STAC: variants seen among roughly 807,000 people sequenced by gnomAD.
The protein encoded by STAC is SH3 and cysteine rich domain.
A neutral mutation model predicts 48.8 loss-of-function variants in STAC; 43 were observed. The observed-to-expected ratio is 0.88, with a 90% confidence interval of 0.69 to 1.14. The LOEUF (loss-of-function observed/expected upper bound fraction) is 1.14. Among genes scored for constraint, STAC ranks in the 50% most tolerant of loss-of-function variants. STAC has a pLI of 0.00. For missense variants in STAC, 497 were observed against 504.0 expected (o/e 0.99, Z 0.13); for synonymous variants, 193 against 179.5 (o/e 1.07, Z -0.60).
chr3:36,439,002 G>A (rs568183902), intron 1 of STAC, among the ~76,000 whole-genome samples: 5 of 152,268 alleles, frequency 3.3e-5, no homozygotes, highest in African/African-American at 1.2e-4. Flanking sequence ...TTGCTTTCCT[G>A]CTCCACATCC....
At chr3:36,473,982 G>C (rs1398022219) in intron 2 of STAC, among the ~76,000 whole-genome samples, 5 of 152,156 alleles carry the variant, frequency 3.3e-5, no homozygotes, top group Non-Finnish European at 7.3e-5. Flanking sequence ...TACTGCATCT[G>C]CACCTTTAAC....
chr3:36,453,344 G>A (rs1034642593), intron 2 of STAC, among the ~76,000 whole-genome samples: 12 of 152,204 alleles, frequency 7.9e-5, no homozygotes, highest in African/African-American at 2.7e-4. Context: ...GAGGTGTGGA[G>A]GGAGAGGCGT....
At chr3:36,381,996 G>A (rs1179279799) in intron 1 of STAC, among the ~76,000 whole-genome samples, 1 of 152,202 alleles carries the variant, frequency 6.6e-6, no homozygotes, top group Non-Finnish European at 1.5e-5. Context: ...AGGAGTACAT[G>A]AGAGGCCCTA....
chr3:36,406,740 T>G (rs1700094759), intron 1 of STAC, among the ~76,000 whole-genome samples: 1 of 152,232 alleles, frequency 6.6e-6, no homozygotes, highest in African/African-American at 2.4e-5. Context: ...TTATGGTTAT[T>G]TTCATATTAT....
intron 1 of STAC, among the ~76,000 whole-genome samples, chr3:36,385,825 G>A (rs753124219): frequency 2.6e-5 from 4 of 152,028 alleles, no homozygotes; most frequent in Non-Finnish European, 4.4e-5. Context: ...GGTAGCAATA[G>A]TTTTCATTTT....
intron 1 of STAC, among the ~76,000 whole-genome samples, chr3:36,391,709 G>C (rs1228542139): frequency 6.6e-6 from 1 of 152,210 alleles, no homozygotes; most frequent in Non-Finnish European, 1.5e-5. Context: ...GGGCTAAGCA[G>C]GGAAGAAGCT....
chr3:36,394,514 G>A (rs1226330304), intron 1 of STAC, among the ~76,000 whole-genome samples: 2 of 152,168 alleles, frequency 1.3e-5, no homozygotes, highest in African/African-American at 4.8e-5. Context: ...TGGGACTACA[G>A]CATAGCAAGA....
chr3:36,455,644 T>C (rs1026216310), intron 2 of STAC, among the ~76,000 whole-genome samples: 6 of 152,228 alleles, frequency 3.9e-5, no homozygotes, highest in African/African-American at 1.4e-4. Flanking sequence ...TACTTTAGAA[T>C]GGTCCTCTTT....
At chr3:36,387,103 C>G (rs1699634032) in intron 1 of STAC, among the ~76,000 whole-genome samples, 1 of 152,002 alleles carries the variant, frequency 6.6e-6, no homozygotes, top group South Asian at 2.1e-4. Flanking sequence ...ATTCAAGCCT[C>G]AAATCTATGT....
intron 10 of STAC, among the ~76,000 whole-genome samples, chr3:36,536,871 AT>A (rs1699210547): frequency 6.6e-6 from 1 of 151,960 alleles, no homozygotes; most frequent in Non-Finnish European, 1.5e-5. Context: ...AAAAACCCCA[AT>A]AAAAAGTGGG....
chr3:36,482,771 G>A (rs1219255310), intron 2 of STAC, among the ~76,000 whole-genome samples: 1 of 152,226 alleles, frequency 6.6e-6, no homozygotes, highest in Non-Finnish European at 1.5e-5. Context: ...TCCTGGAGTA[G>A]TGAATAGGAA....
intron 8 of STAC, among the ~76,000 whole-genome samples, chr3:36,526,948 C>T (rs1054979381): frequency 6.6e-6 from 1 of 152,128 alleles, no homozygotes. Flanking sequence ...GAGGAGGAGG[C>T]GGCACCATAC....
At chr3:36,479,768 C>A (rs1031471689) in intron 2 of STAC, among the ~76,000 whole-genome samples, 3 of 152,220 alleles carry the variant, frequency 2.0e-5, no homozygotes, top group African/African-American at 7.2e-5. Flanking sequence ...CTACTCTACT[C>A]AGGCATAAGG....
chr3:36,422,509 C>A lies in STAC; in HGVS notation c.112-20855C>A, dbSNP rs370286947. Among the ~76,000 whole-genome samples, 7 of 151,974 alleles carry A rather than the reference C, an allele frequency of 4.6e-5. No homozygotes were observed. In the East Asian group the frequency reaches 1.2e-3, roughly 25 times the overall value. On this transcript the variant is annotated intron_variant, in intron 1 of 10. Transcript: ENST00000273183. ...CTCATCCACTAAACATATTCAATGA[C>A]TAATGTCAAAGATGAATGACAAACA...
intron 1 of STAC, among the ~76,000 whole-genome samples, chr3:36,430,863 G>C (rs1422018293): frequency 6.6e-6 from 1 of 152,132 alleles, no homozygotes; most frequent in Non-Finnish European, 1.5e-5. Flanking sequence ...AAGGACACCA[G>C]TCAGATCGGA....
intron 1 of STAC, among the ~76,000 whole-genome samples, chr3:36,397,354 T>C (rs975133790): frequency 1.3e-5 from 2 of 152,206 alleles, no homozygotes; most frequent in African/African-American, 2.4e-5. Flanking sequence ...TTATTTTCGA[T>C]GGATCTGACC....
At chr3:36,424,492 A>T (rs1224065054) in intron 1 of STAC, among the ~76,000 whole-genome samples, 1 of 152,198 alleles carries the variant, frequency 6.6e-6, no homozygotes, top group African/African-American at 2.4e-5. Flanking sequence ...AGCTCTGTCC[A>T]CTAAGAGATC....
chr3:36,459,922 T>C (rs1020957551), intron 2 of STAC, among the ~76,000 whole-genome samples: 6 of 152,134 alleles, frequency 3.9e-5, no homozygotes, highest in Non-Finnish European at 8.8e-5. Flanking sequence ...GTTTAAACTC[T>C]CTGATCCTCA....
intron 8 of STAC, among the ~76,000 whole-genome samples, chr3:36,507,686 T>A (rs574786522): frequency 3.0e-4 from 46 of 152,184 alleles, no homozygotes; most frequent in Non-Finnish European, 1.5e-4. Context: ...TTCTTCTAAG[T>A]TTTCTAGTTT....
Sources: allele counts gnomAD v4.1 joint callset (sites outside exome capture counted in the v4.1 genomes callset), GRCh38; gene constraint gnomAD v4.1.1; transcripts MANE v1.5; gene names NCBI Gene and HGNC (gene_info 2026-07-23, HGNC 2026-07-21).